Variants in PLPPR1 observed in about 807,000 individuals in gnomAD.
PLPPR1 encodes phospholipid phosphatase related 1.
PLPPR1 carries 10 observed loss-of-function variants against 33.1 expected under a neutral mutation model. The ratio of observed to expected loss-of-function variants is 0.30; its 90% CI spans 0.19 to 0.51. PLPPR1 has a LOEUF of 0.51. PLPPR1 is among the 20% of genes least tolerant of loss of function. The probability of loss-of-function intolerance (pLI) is 0.97; values close to 1 mark genes in which losing one functional copy is unlikely to be tolerated. For synonymous variants in PLPPR1, 151 were observed against 151.0 expected (o/e 1.00, Z 0.00); for missense variants, 304 against 408.1 (o/e 0.74, Z 2.20).
Position 101,317,348 on chromosome 9 carries a change from T to TC in PLPPR1, c.814-12dup, listed in dbSNP as rs1564037223. The TC allele has an allele frequency of 3.1e-6, 5 of 1,609,290 alleles. No individual in the cohort carries two copies. In the Admixed American group the frequency reaches 5.1e-5, roughly 16 times the overall value. ...GCTGCAGTCTGACCCCATTCTTTTTTCCCCCTCATCCTGCAGGGAATGTGT... is the reference window on the plus strand; with the variant it reads ...GCTGCAGTCTGACCCCATTCTTTTTTCCCCCCTCATCCTGCAGGGAATGTGT... On this transcript the variant is annotated splice_polypyrimidine_tract_variant and intron_variant, in intron 6 of 7. Transcript: ENST00000374874.
At chr9:101,252,684 A>G (rs1827733008) in intron 2 of PLPPR1, among the ~76,000 whole-genome samples, 1 of 152,282 alleles carries the variant, frequency 6.6e-6, no homozygotes, top group East Asian at 1.9e-4. Context: ...ATTCCGAAGT[A>G]ACTTGGCCAT....
chr9:101,057,272 T>C (rs1014452553), intron 1 of PLPPR1, among the ~76,000 whole-genome samples: 3 of 152,158 alleles, frequency 2.0e-5, no homozygotes, highest in Non-Finnish European at 4.4e-5. Context: ...TAATGTTAGA[T>C]ATATAAGGAT....
chr9:101,058,711 C>A lies in PLPPR1; in HGVS notation c.-46+29609C>A, dbSNP rs115738576. Among the ~76,000 whole-genome samples the A allele has an allele frequency of 5.2e-3, 793 of 152,106 alleles. 10 individuals are homozygous for A. Among genetic ancestry groups the A allele is most frequent in the African/African-American group, 0.018 (759 of 41,476 alleles). On this transcript the variant is annotated intron_variant, in intron 1 of 7. Transcript: ENST00000374874. ...TCTTTTATTTCTCACTGCTTAATTA[C>A]GGGGCAGCCCCATTTTATAGGCAAA...
intron 1 of PLPPR1, among the ~76,000 whole-genome samples, chr9:101,093,239 C>A (rs957656609): frequency 8.5e-5 from 13 of 152,084 alleles, no homozygotes; most frequent in African/African-American, 1.2e-4. Context: ...AATACAGAAA[C>A]CTGGGAATGC....
At chr9:101,154,440 G>A (rs560695370) in intron 1 of PLPPR1, among the ~76,000 whole-genome samples, 46 of 152,210 alleles carry the variant, frequency 3.0e-4, no homozygotes, top group African/African-American at 1.1e-3. Flanking sequence ...AGTCTTGGGA[G>A]GGTGTATGTG....
intron 4 of PLPPR1, among the ~76,000 whole-genome samples, chr9:101,303,561 A>C (rs1828792248): frequency 6.6e-6 from 1 of 152,136 alleles, no homozygotes; most frequent in African/African-American, 2.4e-5. Context: ...TCGGCCTCCC[A>C]AAGTGCTGAG....
At chr9:101,042,069 C>T (rs1308352376) in intron 1 of PLPPR1, among the ~76,000 whole-genome samples, 1 of 151,674 alleles carries the variant, frequency 6.6e-6, no homozygotes, top group Non-Finnish European at 1.5e-5. Context: ...AGAAGAAGAA[C>T]AGAGAGAAGA....
intron 4 of PLPPR1, among the ~76,000 whole-genome samples, chr9:101,299,508 C>T (rs142016839): frequency 3.4e-3 from 511 of 152,288 alleles, no homozygotes; most frequent in Middle Eastern, 0.014. Flanking sequence ...CTTTGATTGT[C>T]ATCCTTGGTG....
chr9:101,279,631 C>T (rs1472086694), intron 3 of PLPPR1, among the ~76,000 whole-genome samples: 1 of 151,964 alleles, frequency 6.6e-6, no homozygotes, highest in Non-Finnish European at 1.5e-5. Context: ...TCTCTGACCA[C>T]AATGGAATAA....
chr9:101,146,139 C>T (rs4743449), intron 1 of PLPPR1, among the ~76,000 whole-genome samples: 23,136 of 152,196 alleles, frequency 0.15, 2,118 homozygotes, highest in Non-Finnish European at 0.2. Context: ...TGGCATTTCT[C>T]ATAGTGTAGC....
chr9:101,317,635 C>T (rs1564037404), intron 7 of PLPPR1, 139 bp downstream of exon 7: 1 of 861,418 alleles, frequency 1.2e-6, no homozygotes, highest in Non-Finnish European at 1.7e-6. Context: ...TCACAAAAGG[C>T]AGCCTTCACT....
At chr9:101,128,474 G>A (rs1456485448) in intron 1 of PLPPR1, among the ~76,000 whole-genome samples, 1 of 152,136 alleles carries the variant, frequency 6.6e-6, no homozygotes, top group Non-Finnish European at 1.5e-5. Context: ...GCAGTTTACT[G>A]AGTGCCAAAT....
At chr9:101,037,263 A>G (rs570939506) in intron 1 of PLPPR1, among the ~76,000 whole-genome samples, 3 of 152,288 alleles carry the variant, frequency 2.0e-5, no homozygotes, top group Admixed American at 2.0e-4. Context: ...TTTACATGAC[A>G]TGATAGTCCA....
At chr9:101,201,612 G>C (rs1045248954) in intron 2 of PLPPR1, among the ~76,000 whole-genome samples, 102 of 152,262 alleles carry the variant, frequency 6.7e-4, no homozygotes, top group African/African-American at 2.4e-3. Flanking sequence ...TGTTTTCAGA[G>C]TTAAATAGAG....
At chr9:101,210,209 G>A (rs949639018) in intron 2 of PLPPR1, among the ~76,000 whole-genome samples, 3 of 152,226 alleles carry the variant, frequency 2.0e-5, no homozygotes, top group African/African-American at 4.8e-5. Flanking sequence ...TTCTGGCTTA[G>A]TGAGGTATGA....
At chr9:101,318,509 C>T (rs576600879) in intron 7 of PLPPR1, among the ~76,000 whole-genome samples, 2 of 152,292 alleles carry the variant, frequency 1.3e-5, no homozygotes, top group African/African-American at 4.8e-5. Flanking sequence ...TGGTGGCTCA[C>T]GCCTGTAATC....
intron 1 of PLPPR1, among the ~76,000 whole-genome samples, chr9:101,090,140 C>A (rs1290661948): frequency 1.3e-5 from 2 of 152,132 alleles, no homozygotes; most frequent in Non-Finnish European, 2.9e-5. Flanking sequence ...ACACTTTCTG[C>A]CCTCTGTGTC....
At chr9:101,097,434 C>T (rs1026741753) in intron 1 of PLPPR1, among the ~76,000 whole-genome samples, 4 of 152,258 alleles carry the variant, frequency 2.6e-5, no homozygotes, top group East Asian at 1.9e-4. Flanking sequence ...GCACATGTAA[C>T]ATTTGAATGA....
chr9:101,110,520 C>T (rs1405846009), intron 1 of PLPPR1, among the ~76,000 whole-genome samples: 1 of 151,982 alleles, frequency 6.6e-6, no homozygotes, highest in Non-Finnish European at 1.5e-5. Context: ...TTTTTAATAG[C>T]AAAAATTGAA....
Sources: allele counts gnomAD v4.1 joint callset (sites outside exome capture counted in the v4.1 genomes callset), GRCh38; gene constraint gnomAD v4.1.1; transcripts MANE v1.5; gene names NCBI Gene and HGNC (gene_info 2026-07-23, HGNC 2026-07-21).